Variants in MTFR1 observed in about 807,000 individuals in gnomAD.
The protein encoded by MTFR1 is mitochondrial fission regulator 1, also known as chondrocyte protein with a poly-proline region.
A neutral mutation model predicts 38.8 loss-of-function variants in MTFR1; 28 were observed. That is an observed-to-expected ratio of 0.72 (90% CI 0.53 to 0.99). The LOEUF is 0.99. Among genes scored for constraint, MTFR1 ranks in the 50% least tolerant of loss-of-function variants. The pLI, the probability that MTFR1 is intolerant of heterozygous loss-of-function variation, is 0.00. For synonymous variants in MTFR1, 145 were observed against 137.0 expected (o/e 1.06, Z -0.41); for missense variants, 358 against 395.5 (o/e 0.91, Z 0.81).
At chr8:65,645,603 G>A (rs980663558) in intron 1 of MTFR1, among the ~76,000 whole-genome samples, 7 of 150,596 alleles carry the variant, frequency 4.6e-5, no homozygotes, top group Admixed American at 1.3e-4. Flanking sequence ...TCTACCCACT[G>A]CAGCCTCCAC....
chr8:65,652,367 G>C (rs865873362), intron 1 of MTFR1, among the ~76,000 whole-genome samples: 3 of 152,128 alleles, frequency 2.0e-5, no homozygotes, highest in South Asian at 4.2e-4. Context: ...AAAGTGCTGG[G>C]ATTACAGCTG....
chr8:65,668,838 G>A (rs903050058), intron 1 of MTFR1, among the ~76,000 whole-genome samples: 2 of 152,072 alleles, frequency 1.3e-5, no homozygotes, highest in Non-Finnish European at 2.9e-5. Flanking sequence ...ATTGATGAGA[G>A]AGCAGTGTAT....
chr8:65,688,521 T>A (rs1167002290), intron 3 of MTFR1, among the ~76,000 whole-genome samples: 11 of 146,724 alleles, frequency 7.5e-5, no homozygotes, highest in Non-Finnish European at 1.5e-5. Context: ...CAATCTCGGC[T>A]CACTGCAAGC....
intron 1 of MTFR1, among the ~76,000 whole-genome samples, chr8:65,657,091 G>A (rs1809289694): frequency 6.7e-6 from 1 of 148,348 alleles, no homozygotes; most frequent in South Asian, 2.1e-4. Context: ...TCTGTTCACT[G>A]TAACATCCGC....
At chr8:65,659,991 T>A (rs1332255886) in intron 1 of MTFR1, among the ~76,000 whole-genome samples, 1 of 152,046 alleles carries the variant, frequency 6.6e-6, no homozygotes, top group African/African-American at 2.4e-5. Flanking sequence ...AATAATAATT[T>A]AAAAAAACCA....
intron 3 of MTFR1, among the ~76,000 whole-genome samples, chr8:65,748,833 G>A (rs1254562663): frequency 6.6e-6 from 1 of 152,186 alleles, no homozygotes; most frequent in Non-Finnish European, 1.5e-5. Flanking sequence ...CAGAGACACA[G>A]CAGGTGTTAA....
intron 5 of MTFR1, among the ~76,000 whole-genome samples, chr8:65,705,993 C>A (rs574064354): frequency 1.8e-4 from 27 of 152,230 alleles, no homozygotes; most frequent in African/African-American, 6.5e-4. Flanking sequence ...CAGTATTAAC[C>A]AGCTCTGTTG....
intron 4 of MTFR1, among the ~76,000 whole-genome samples, chr8:65,696,913 G>A (rs887707779): frequency 7.4e-5 from 11 of 148,956 alleles, no homozygotes; most frequent in Non-Finnish European, 1.2e-4. Flanking sequence ...CATCTGCCTC[G>A]GCTTCCCAAA....
intron 3 of MTFR1, among the ~76,000 whole-genome samples, chr8:65,737,583 T>C (rs1386108637): frequency 6.6e-6 from 1 of 152,030 alleles, no homozygotes; most frequent in Non-Finnish European, 1.5e-5. Context: ...CGGCTCACTC[T>C]CTCTCTCTCA....
intron 6 of MTFR1, 75 bp downstream of exon 6, chr8:65,707,331 T>TA: frequency 6.7e-7 from 1 of 1,487,778 alleles, no homozygotes; most frequent in South Asian, 1.3e-5. Context: ...TCTTGAGGAA[T>TA]TTTGTTTATA....
At chr8:65,691,239 A>T (rs1805266812) in intron 3 of MTFR1, among the ~76,000 whole-genome samples, 1 of 152,100 alleles carries the variant, frequency 6.6e-6, no homozygotes. Flanking sequence ...TTTTTATCAT[A>T]ATTTCATTAT....
At chr8:65,677,352 G>T (rs1377782410) in intron 2 of MTFR1, among the ~76,000 whole-genome samples, 3 of 149,010 alleles carry the variant, frequency 2.0e-5, no homozygotes, top group African/African-American at 7.4e-5. Context: ...TTACAGGCAT[G>T]AACCACTGCG....
chr8:65,682,292 C>T (rs1804917902), intron 2 of MTFR1, 61 bp from the exon 3 acceptor site: 1 of 774,756 alleles, frequency 1.3e-6, no homozygotes, highest in Non-Finnish European at 2.0e-6. Flanking sequence ...TTGTCTAATG[C>T]TTTGTCTTAA....
At chr8:65,701,623 G>A (rs1389841449) in intron 4 of MTFR1, among the ~76,000 whole-genome samples, 6 of 152,138 alleles carry the variant, frequency 3.9e-5, no homozygotes, top group African/African-American at 1.4e-4. Flanking sequence ...AATCTAATGA[G>A]GAAGATGAAC....
At chr8:65,663,752 T>C (rs1804281689) in intron 1 of MTFR1, among the ~76,000 whole-genome samples, 1 of 150,684 alleles carries the variant, frequency 6.6e-6, no homozygotes, top group South Asian at 2.1e-4. Context: ...GCAGTTTCTT[T>C]CCCCCTCCCC....
intron 4 of MTFR1, among the ~76,000 whole-genome samples, chr8:65,702,823 A>AT (rs138727115): frequency 0.19 from 29,147 of 151,934 alleles, 2,944 homozygotes; most frequent in Middle Eastern, 0.23. Flanking sequence ...GATATGGGTG[A>AT]GGAGCTAAAA....
Position 65,715,919 on chromosome 8 carries a change from C to A in MTFR1, c.382-3461C>A, listed in dbSNP as rs1315978462. On this transcript the variant is annotated intron_variant, in intron 2 of 3. Coordinates refer to the MTFR1 transcript ENST00000521247. ...AGGAGAATGAGGAGAATGGCGTGAA[C>A]CCGGGAGGCGGAACTTGCAGTGAGC... Among the ~76,000 whole-genome samples, 4 of 142,652 alleles carry A rather than the reference C, an allele frequency of 2.8e-5. No individual in the cohort carries two copies. The East Asian group carries it at 9.0e-4, about 32-fold the overall frequency. The allele number at this position is 142,652 out of a possible 152,430, so 93.6% of individuals were successfully genotyped here. A position where few individuals can be genotyped will look rare whatever the true frequency, so the allele number is the denominator to read the frequency against.
At position 65,768,522 on chromosome 8, in the gene MTFR1, C is replaced by T. The variant is rs142584336; in HGVS notation, c.*49-2425C>T. On this transcript the variant is annotated intron_variant, in intron 3 of 3. Coordinates refer to the MTFR1 transcript ENST00000521247. The stretch of plus-strand genomic sequence containing the variant: ...TTCACCTTCGGCCGTAATTGTGAGG[C>T]CTCCCCAGCCAGGTGGAGCTATAAG... Among the ~76,000 whole-genome samples, 583 of 152,286 alleles carry T rather than the reference C, an allele frequency of 3.8e-3. 3 individuals are homozygous for T. The highest frequency in any genetic ancestry group is 0.013 in the African/African-American group (535 of 41,550).
downstream of MTFR1, among the ~76,000 whole-genome samples, chr8:65,713,481 C>CACAA (rs1202056083): frequency 7.7e-6 from 1 of 129,690 alleles, no homozygotes; most frequent in Non-Finnish European, 1.8e-5. Context: ...CACACACACA[C>CACAA]ACAAACAAAA....
Sources: gnomAD v4.1 joint callset for allele counts (sites outside exome capture counted in the v4.1 genomes callset) on GRCh38, gnomAD v4.1.1 for gene constraint, MANE v1.5 for transcripts, NCBI Gene and HGNC (gene_info 2026-07-23, HGNC 2026-07-21) for gene names.